GABRG3: variants seen among roughly 807,000 people sequenced by gnomAD.
GABRG3 encodes gamma-aminobutyric acid receptor subunit gamma-3.
GABRG3 carries 25 observed loss-of-function variants against 48.8 expected under a neutral mutation model. The ratio of observed to expected loss-of-function variants is 0.51; its 90% CI spans 0.37 to 0.72. GABRG3 has a LOEUF of 0.72. Ranked by LOEUF, GABRG3 falls within the 30% of genes least tolerant of loss-of-function variation. The probability of loss-of-function intolerance (pLI) is 0.00; values close to 1 mark genes in which losing one functional copy is unlikely to be tolerated. For synonymous variants in GABRG3, 227 were observed against 217.6 expected (o/e 1.04, Z -0.38); for missense variants, 394 against 577.9 (o/e 0.68, Z 3.26).
intron 5 of GABRG3, among the ~76,000 whole-genome samples, chr15:27,467,440 G>T (rs1889649769): frequency 6.6e-6 from 1 of 152,154 alleles, no homozygotes; most frequent in African/African-American, 2.4e-5. Context: ...CACATTCTCT[G>T]CAGTTCACAG....
At chr15:27,176,209 TAACTTA>T (rs1055544165) in intron 3 of GABRG3, among the ~76,000 whole-genome samples, 4 of 152,244 alleles carry the variant, frequency 2.6e-5, no homozygotes, top group Admixed American at 6.5e-5. Flanking sequence ...TTTCCCATGC[TAACTTA>T]AACCACTCAT....
intron 2 of GABRG3, among the ~76,000 whole-genome samples, chr15:26,986,664 G>A (rs551313005): frequency 1.3e-5 from 2 of 152,264 alleles, no homozygotes; most frequent in Non-Finnish European, 2.9e-5. Context: ...TGTGGTTTCA[G>A]CATCTAAGTA....
intron 2 of GABRG3, among the ~76,000 whole-genome samples, chr15:27,011,275 G>A (rs114202824): frequency 0.01 from 1,580 of 152,194 alleles, 21 homozygotes; most frequent in African/African-American, 0.036. Context: ...TTATTGTGAC[G>A]TGTACAACTT....
At chr15:27,059,830 C>T (rs772487564) in intron 3 of GABRG3, among the ~76,000 whole-genome samples, 2 of 152,196 alleles carry the variant, frequency 1.3e-5, no homozygotes, top group South Asian at 2.1e-4. Flanking sequence ...GAAATGTCTG[C>T]ACCAATCACC....
chr15:27,512,499 T>C (rs1595802726), intron 6 of GABRG3, among the ~76,000 whole-genome samples: 1 of 152,148 alleles, frequency 6.6e-6, no homozygotes, highest in East Asian at 1.9e-4. Context: ...CCTGTTGATT[T>C]TGAAATGCCT....
intron 3 of GABRG3, chr15:27,157,786 G>A (rs866051400): frequency 6.6e-6 from 1 of 152,176 alleles, no homozygotes; most frequent in Admixed American, 6.5e-5. Context: ...CAACAGACAA[G>A]GCACAATATA....
chr15:27,526,872 A>G (rs1189080733), intron 7 of GABRG3, among the ~76,000 whole-genome samples: 8 of 152,194 alleles, frequency 5.3e-5, no homozygotes, highest in African/African-American at 1.2e-4. Flanking sequence ...AGACCACACA[A>G]TCTATCTAGG....
chr15:27,382,512 T>G (rs1359882354), intron 5 of GABRG3, among the ~76,000 whole-genome samples: 1 of 152,276 alleles, frequency 6.6e-6, no homozygotes, highest in South Asian at 2.1e-4. Context: ...TGGCTTTCAC[T>G]CGGAGTGAAA....
intron 5 of GABRG3, among the ~76,000 whole-genome samples, chr15:27,376,531 G>A (rs1379811186): frequency 6.6e-6 from 1 of 152,214 alleles, no homozygotes; most frequent in African/African-American, 2.4e-5. Context: ...CTAGGCAGAG[G>A]TTCCTAAACC....
At chr15:27,206,467 G>A (rs531576399) in intron 3 of GABRG3, among the ~76,000 whole-genome samples, 4 of 152,204 alleles carry the variant, frequency 2.6e-5, no homozygotes, top group Admixed American at 2.6e-4. Context: ...TGCTTTATGG[G>A]CTTAGCATAT....
intron 3 of GABRG3, among the ~76,000 whole-genome samples, chr15:27,132,374 A>G (rs542559445): frequency 4.0e-5 from 6 of 149,876 alleles, no homozygotes; most frequent in South Asian, 2.1e-4. Context: ...TCAGAGCACA[A>G]TTTATTGAAG....
At chr15:27,440,558 G>C (rs936718516) in intron 5 of GABRG3, among the ~76,000 whole-genome samples, 2 of 152,174 alleles carry the variant, frequency 1.3e-5, no homozygotes, top group South Asian at 4.1e-4. Context: ...TCATAGGCCT[G>C]TGTGAATCTT....
intron 3 of GABRG3, among the ~76,000 whole-genome samples, chr15:27,056,023 G>A (rs2140716718): frequency 6.6e-6 from 1 of 152,168 alleles, no homozygotes; most frequent in Admixed American, 6.5e-5. Flanking sequence ...AAATTTGCAG[G>A]AGGAGAAAAA....
intron 3 of GABRG3, among the ~76,000 whole-genome samples, chr15:27,298,573 T>G (rs1892082497): frequency 6.6e-6 from 1 of 152,156 alleles, no homozygotes; most frequent in African/African-American, 2.4e-5. Flanking sequence ...TGTGGGGATA[T>G]TTAACCTTTT....
intron 3 of GABRG3, among the ~76,000 whole-genome samples, chr15:27,266,835 G>GT (rs1890935841): frequency 6.6e-6 from 1 of 152,072 alleles, no homozygotes; most frequent in Non-Finnish European, 1.5e-5. Context: ...TTTGTGGCTA[G>GT]TATATAGACA....
chr15:27,151,152 A>T (rs1898304289), intron 3 of GABRG3, among the ~76,000 whole-genome samples: 1 of 152,162 alleles, frequency 6.6e-6, no homozygotes, highest in Admixed American at 6.5e-5. Context: ...TATCACAACT[A>T]GGATGTTGAC....
At chr15:27,053,491 T>A (rs1896489392) in intron 3 of GABRG3, among the ~76,000 whole-genome samples, 1 of 152,016 alleles carries the variant, frequency 6.6e-6, no homozygotes, top group African/African-American at 2.4e-5. Flanking sequence ...GCCAGCAGGG[T>A]TGGAGAGGCT....
At chr15:27,136,915 C>T (rs1242545203) in intron 3 of GABRG3, among the ~76,000 whole-genome samples, 2 of 152,082 alleles carry the variant, frequency 1.3e-5, no homozygotes, top group Non-Finnish European at 2.9e-5. Context: ...CAGGTCACTC[C>T]TTTTATTAAA....
chr15:27,490,327 T>G (rs138873300), intron 6 of GABRG3, among the ~76,000 whole-genome samples: 1 of 152,220 alleles, frequency 6.6e-6, no homozygotes, highest in Non-Finnish European at 1.5e-5. Flanking sequence ...ACTGCTTCTG[T>G]GCAGACAAGG....
Sources: allele counts gnomAD v4.1 joint callset (sites outside exome capture counted in the v4.1 genomes callset), GRCh38; gene constraint gnomAD v4.1.1; transcripts MANE v1.5; gene names NCBI Gene and HGNC (gene_info 2026-07-23, HGNC 2026-07-21).